Variants in PCDHA3 observed in about 807,000 individuals in gnomAD.
The protein encoded by PCDHA3 is protocadherin alpha-3.
Under a neutral mutation model 62.2 loss-of-function variants are expected in PCDHA3, and 41 were observed. That is an observed-to-expected ratio of 0.66 (90% CI 0.51 to 0.86). The LOEUF (loss-of-function observed/expected upper bound fraction) is 0.86, where lower values mean the gene tolerates loss of function less well. Among genes scored for constraint, PCDHA3 ranks in the 40% least tolerant of loss-of-function variants. PCDHA3 has a pLI of 0.00. For synonymous variants in PCDHA3, 640 were observed against 555.4 expected (o/e 1.15, Z -2.14); for missense variants, 1,304 against 1,241.2 (o/e 1.05, Z -0.76).
In PCDHA3 at chr5:140,803,551, G is replaced by C; in HGVS notation, c.2354G>C (p.Arg785Thr). The C allele has an allele frequency of 6.2e-7, 1 of 1,614,242 alleles. No individual in the cohort carries two copies. Among genetic ancestry groups the C allele is most frequent in the Non-Finnish European group, 8.5e-7 (1 of 1,180,046 alleles). ...SLPPCPISRD[R>T]EEKQDVDVDL... ...CCTCCTTGTCCAATTAGCCGGGATA[G>C]AGAGGAGAAACAGGATGTGGACGTT... The change falls in exon 1 of 4, where the codon AGA (arginine) becomes ACA (threonine). Residue 785 changes from arginine to threonine, a missense_variant. Arg to Thr is a moderately conservative substitution (Grantham distance 71, BLOSUM62 -1). Transcript: ENST00000522353.
intron 1 of PCDHA3, chr5:140,841,428 C>T (rs2150315251): frequency 3.7e-6 from 6 of 1,612,842 alleles, no homozygotes; most frequent in Admixed American, 1.7e-5. Context: ...TACTCCGTCC[C>T]CGAGGAGGCC....
intron 1 of PCDHA3, chr5:140,927,469 C>T (rs17844359): frequency 6.2e-7 from 1 of 1,614,082 alleles, no homozygotes; most frequent in Non-Finnish European, 8.5e-7. Context: ...AGCACTGGAT[C>T]GCGAACAGCG....
intron 1 of PCDHA3, among the ~76,000 whole-genome samples, chr5:140,941,214 CCTTTCTTTCTTT>C (rs60032403): frequency 3.3e-5 from 4 of 122,414 alleles, no homozygotes; most frequent in Non-Finnish European, 6.8e-5. Flanking sequence ...TTTCTTTCTT[CCTTTCTTTCTTT>C]CTTTCTTTCT....
At chr5:140,997,044 T>C (rs2097756836) in intron 3 of PCDHA3, among the ~76,000 whole-genome samples, 1 of 152,180 alleles carries the variant, frequency 6.6e-6, no homozygotes, top group South Asian at 2.1e-4. Flanking sequence ...TGAACTTTAC[T>C]TTTTAGAGCA....
At chr5:140,854,178 A>G (rs2043021755) in intron 1 of PCDHA3, 4 of 531,272 alleles carry the variant, frequency 7.5e-6, no homozygotes, top group African/African-American at 2.1e-5. Flanking sequence ...AAAAAAAAAG[A>G]GTAGTTTAAC....
intron 1 of PCDHA3, chr5:140,862,180 CA>C (rs1408132694): frequency 6.0e-6 from 1 of 165,728 alleles, no homozygotes; most frequent in African/African-American, 2.4e-5. Context: ...GCAGTTGACA[CA>C]GGCAATTCCC....
At chr5:140,829,795 T>C (rs1166069883) in intron 1 of PCDHA3, 11 of 1,613,604 alleles carry the variant, frequency 6.8e-6, no homozygotes, top group Non-Finnish European at 9.3e-6. Flanking sequence ...TGCTGGCGCC[T>C]CGGGTGGGTG....
intron 1 of PCDHA3, among the ~76,000 whole-genome samples, chr5:140,912,519 T>G (rs770184717): frequency 6.6e-6 from 1 of 152,164 alleles, no homozygotes. Context: ...TCTTTAGGGT[T>G]TTCAGAGTAC....
chr5:140,824,609 A>AGTT (rs1768189003), intron 1 of PCDHA3: 2 of 76,910 alleles, frequency 2.6e-5, no homozygotes, highest in African/African-American at 1.4e-4. Context: ...TGCTAATTAA[A>AGTT]GTTTTTTTTT....
Position 140,868,975 on chromosome 5 carries a change from A to G in PCDHA3, c.2394+65384A>G, listed in dbSNP as rs1379610882. 4.1e-6 allele frequency: 6 copies of G among 1,479,060 alleles called. No individual in the cohort carries two copies. The South Asian group carries it at 7.0e-5, about 17-fold the overall frequency. The allele number at this position is 1,479,060 out of a possible 1,614,324, so 91.6% of individuals were successfully genotyped here. A position where few individuals can be genotyped will look rare whatever the true frequency, so the allele number is the denominator to read the frequency against. The stretch of plus-strand genomic sequence containing the variant: ...CACTCCCATACAAAGGAACTCCATC[A>G]TACCGGATGCCACCGTTTAAGGATC... On this transcript the variant is annotated intron_variant, in intron 1 of 3. Transcript: ENST00000522353.
At chr5:140,984,547 C>T (rs1554246370) in intron 3 of PCDHA3, among the ~76,000 whole-genome samples, 2 of 152,118 alleles carry the variant, frequency 1.3e-5, no homozygotes, top group Non-Finnish European at 2.9e-5. Context: ...CTGGATAGAG[C>T]TTACATCTTC....
chr5:141,006,535 G>A (rs1473022946), intron 3 of PCDHA3, among the ~76,000 whole-genome samples: 1 of 152,118 alleles, frequency 6.6e-6, no homozygotes, highest in Non-Finnish European at 1.5e-5. Context: ...TTTTTAAAGA[G>A]AGACATTAAG....
At chr5:140,999,755 A>G (rs932293037) in intron 3 of PCDHA3, among the ~76,000 whole-genome samples, 1 of 152,168 alleles carries the variant, frequency 6.6e-6, no homozygotes, top group South Asian at 2.1e-4. Context: ...TTCGCAGCAC[A>G]TGATGTCTTT....
intron 1 of PCDHA3, among the ~76,000 whole-genome samples, chr5:140,975,395 C>T (rs2096665697): frequency 6.6e-6 from 1 of 152,246 alleles, no homozygotes; most frequent in Admixed American, 6.5e-5. Flanking sequence ...AGATCCATCA[C>T]AATCACAGTC....
intron 1 of PCDHA3, chr5:140,860,899 G>C (rs940246442): frequency 6.6e-6 from 1 of 152,256 alleles, no homozygotes; most frequent in Admixed American, 6.6e-5. Flanking sequence ...CAACACGCCA[G>C]GCTAATTTTT....
At chr5:140,989,105 T>G (rs550881823) in intron 3 of PCDHA3, 2 of 152,232 alleles carry the variant, frequency 1.3e-5, no homozygotes, top group African/African-American at 4.8e-5. Flanking sequence ...GAAACAACTT[T>G]TGAATATATC....
At chr5:140,939,051 T>G (rs1359303875) in intron 1 of PCDHA3, among the ~76,000 whole-genome samples, 1 of 152,236 alleles carries the variant, frequency 6.6e-6, no homozygotes, top group East Asian at 1.9e-4. Flanking sequence ...TTAGTCCATT[T>G]GGGCTGCTAT....
chr5:140,927,366 A>G (rs782348018), intron 1 of PCDHA3: 29 of 1,614,088 alleles, frequency 1.8e-5, no homozygotes, highest in Admixed American at 1.7e-4. Context: ...GCAATGGGAT[A>G]CTAAGCTACA....
At chr5:140,993,509 CGG>C (rs2097568014) in intron 3 of PCDHA3, among the ~76,000 whole-genome samples, 2 of 143,600 alleles carry the variant, frequency 1.4e-5, no homozygotes, top group South Asian at 4.6e-4. Context: ...CACACACACA[CGG>C]GGAGAGAGAG....
Sources: allele counts gnomAD v4.1 joint callset (sites outside exome capture counted in the v4.1 genomes callset), GRCh38; gene constraint gnomAD v4.1.1; transcripts MANE v1.5; gene names NCBI Gene and HGNC (gene_info 2026-07-23, HGNC 2026-07-21).